Variants in SYTL3 observed in about 807,000 individuals in gnomAD.
SYTL3 encodes the protein synaptotagmin like 3.
SYTL3 carries 88 observed loss-of-function variants against 82.1 expected under a neutral mutation model. The observed-to-expected ratio is 1.07, with a 90% CI of 0.90 to 1.28. The LOEUF is 1.28. SYTL3 is among the 50% of genes most tolerant of loss of function. The pLI is 0.00. For missense variants in SYTL3, 831 were observed against 757.6 expected (o/e 1.10, Z -1.14); for synonymous variants, 311 against 289.4 (o/e 1.07, Z -0.76).
At chr6:158,703,126 C>T (rs1422333244) in intron 6 of SYTL3, among the ~76,000 whole-genome samples, 1 of 144,744 alleles carries the variant, frequency 6.9e-6, no homozygotes, top group Non-Finnish European at 1.5e-5. Context: ...TGTACTCCAG[C>T]CTGGGCGACA....
chr6:158,699,465 A>T (rs1259257319), intron 6 of SYTL3, among the ~76,000 whole-genome samples: 2 of 152,092 alleles, frequency 1.3e-5, no homozygotes, highest in African/African-American at 4.8e-5. Context: ...TGAGAAATGG[A>T]TGCATAGATG....
At chr6:158,688,794 C>T (rs901372550) in intron 6 of SYTL3, among the ~76,000 whole-genome samples, 1 of 152,036 alleles carries the variant, frequency 6.6e-6, no homozygotes, top group Non-Finnish European at 1.5e-5. Flanking sequence ...TGTGTGTATA[C>T]ACACATATAC....
chr6:158,715,918 G>C (rs1256476609), intron 9 of SYTL3, among the ~76,000 whole-genome samples: 2 of 152,182 alleles, frequency 1.3e-5, no homozygotes, highest in African/African-American at 4.8e-5. Context: ...TGGGTGCAGA[G>C]GGAAGCCTCA....
At chr6:158,680,869 G>A (rs1263916168) in intron 5 of SYTL3, among the ~76,000 whole-genome samples, 2 of 139,022 alleles carry the variant, frequency 1.4e-5, no homozygotes, top group Non-Finnish European at 3.1e-5. Flanking sequence ...ACCAGATGAA[G>A]GAGAGAAAGT....
chr6:158,745,581 A>T lies in SYTL3; in HGVS notation c.957A>T (p.Lys319Asn). Reference protein sequence around the residue: ...EIEFAIHYCFKTHSLEICIKA... With the variant: ...EIEFAIHYCFNTHSLEICIKA... ...AATTTGCCATTCATTATTGCTTCAA[A>T]ACCCATTCTTTAGAAATATGCATCA... Residue 319 changes from lysine (K) to asparagine (N), a missense_variant, in exon 12 of 18, where the codon AAA (lysine) becomes AAT (asparagine). Transcript: ENST00000611299. 1 of 1,613,902 alleles carries T rather than the reference A, an allele frequency of 6.2e-7. No individual in the cohort carries two copies. Among genetic ancestry groups the T allele is most frequent in the Non-Finnish European group, 8.5e-7 (1 of 1,179,966 alleles).
Position 158,764,617 on chromosome 6 carries a change from A to C in SYTL3, c.*13A>C. The C allele has an allele frequency of 3.8e-6, 6 of 1,596,630 alleles. No homozygotes were observed. The highest frequency in any genetic ancestry group is 5.2e-6 in the Non-Finnish European group (6 of 1,164,066). ...TGTCCTGCACTGACATGAAGGCCTC[A>C]AGGTTCCAGGTTGCAGCAGGCGTGA... On this transcript the variant is annotated 3_prime_UTR_variant, in exon 18 of 18. Transcript: ENST00000611299.
At chr6:158,711,498 C>T (rs1782758536) in intron 8 of SYTL3, among the ~76,000 whole-genome samples, 1 of 152,180 alleles carries the variant, frequency 6.6e-6, no homozygotes, top group Non-Finnish European at 1.5e-5. Flanking sequence ...GTGACTCAGT[C>T]CAAGTCCCAA....
intron 11 of SYTL3, among the ~76,000 whole-genome samples, chr6:158,740,997 G>A (rs1424386823): frequency 2.6e-5 from 4 of 152,146 alleles, no homozygotes; most frequent in African/African-American, 9.7e-5. Flanking sequence ...AGAAGTAGTA[G>A]TCTGTTGGCA....
At chr6:158,702,981 C>T (rs34687336) in intron 6 of SYTL3, among the ~76,000 whole-genome samples, 44,740 of 151,226 alleles carry the variant, frequency 0.3, 7,108 homozygotes, top group Non-Finnish European at 0.36. Flanking sequence ...GGTGAAACCC[C>T]ATCTCTACTA....
In SYTL3 at chr6:158,665,463, A is replaced by G; in HGVS notation, c.179A>G (p.Glu60Gly). The G allele has an allele frequency of 2.5e-6, 4 of 1,608,990 alleles. No individual in the cohort carries two copies. Among genetic ancestry groups the G allele is most frequent in the Non-Finnish European group, 3.4e-6 (4 of 1,177,788 alleles). Residue 60 changes from glutamate (E) to glycine (G), a missense_variant, in exon 5 of 18, where the codon GAG (glutamate) becomes GGG (glycine). Coordinates refer to ENST00000611299, the MANE Select transcript of SYTL3 (RefSeq NM_001242394.2). ...AAGAACACGGACTGGGAGCACAAAG[A>G]GAAGTGCTGTGCGCGCTGCCAGCAG... ...GAKNTDWEHK[E>G]KCCARCQQVL...
At chr6:158,665,352 G>C in intron 4 of SYTL3, 43 bp from the exon 5 acceptor site, 2 of 1,537,052 alleles carry the variant, frequency 1.3e-6, no homozygotes, top group Middle Eastern at 1.7e-4. Flanking sequence ...CTGGGGTCAG[G>C]TGTTCCATCT....
intron 11 of SYTL3, among the ~76,000 whole-genome samples, chr6:158,738,933 C>T (rs1365872584): frequency 1.3e-5 from 2 of 152,220 alleles, no homozygotes; most frequent in South Asian, 2.1e-4. Flanking sequence ...GCTGGGATTA[C>T]AGGCGTGAGC....
chr6:158,725,654 T>C lies in SYTL3; in HGVS notation c.855+17T>C. ...TTTAGACACGTGAGTCTCATTCCAATGCTCTTTTTTTGTTTTTTTGTTTTT... is the reference window on the plus strand; with the variant it reads ...TTTAGACACGTGAGTCTCATTCCAACGCTCTTTTTTTGTTTTTTTGTTTTT... On this transcript the variant is annotated intron_variant, in intron 11 of 17. Transcript: ENST00000611299. 6.3e-7 allele frequency: 1 copy of C among 1,598,260 alleles called. No individual in the cohort carries two copies. Among genetic ancestry groups the C allele is most frequent in the Non-Finnish European group, 8.5e-7 (1 of 1,173,858 alleles).
At chr6:158,752,212 T>C (rs1788489081) in intron 13 of SYTL3, among the ~76,000 whole-genome samples, 182 bp downstream of exon 13, 1 of 152,180 alleles carries the variant, frequency 6.6e-6, no homozygotes, top group South Asian at 2.1e-4. Context: ...ATGTCAGCCT[T>C]TGTACAGGAA....
At chr6:158,732,667 T>G (rs1189554288) in intron 11 of SYTL3, among the ~76,000 whole-genome samples, 1 of 152,188 alleles carries the variant, frequency 6.6e-6, no homozygotes, top group Non-Finnish European at 1.5e-5. Flanking sequence ...GTGTCTCCAA[T>G]GACGAAGGAA....
At chr6:158,755,793 C>T (rs1788981390) in intron 13 of SYTL3, among the ~76,000 whole-genome samples, 2 of 152,214 alleles carry the variant, frequency 1.3e-5, no homozygotes, top group African/African-American at 2.4e-5. Context: ...CACGAGGAGT[C>T]ACCATTCAAA....
intron 9 of SYTL3, among the ~76,000 whole-genome samples, chr6:158,714,413 C>A (rs1225911022): frequency 6.6e-6 from 1 of 151,870 alleles, no homozygotes; most frequent in East Asian, 1.9e-4. Flanking sequence ...CAGAACCTTT[C>A]AGGCCAGTAG....
In SYTL3 at chr6:158,708,401, C is replaced by T; in HGVS notation, c.516+10C>T. The T allele has an allele frequency of 6.2e-7, 1 of 1,612,910 alleles. No individual in the cohort carries two copies. Among genetic ancestry groups the T allele is most frequent in the Non-Finnish European group, 8.5e-7 (1 of 1,178,904 alleles). On this transcript the variant is annotated intron_variant, in intron 8 of 17. Transcript: ENST00000611299. Reference sequence around the variant, plus strand: ...CCGCAGTCCTGGCAGGGTAACGTATCCATTCTGGGCACTTCTCTAGTAGGG... The same window carrying T: ...CCGCAGTCCTGGCAGGGTAACGTATTCATTCTGGGCACTTCTCTAGTAGGG...
intron 11 of SYTL3, among the ~76,000 whole-genome samples, chr6:158,731,936 C>A (rs1047539976): frequency 6.6e-6 from 1 of 152,166 alleles, no homozygotes; most frequent in Non-Finnish European, 1.5e-5. Flanking sequence ...ACTTTTAATG[C>A]CTGTTTAATT....
Sources: allele counts gnomAD v4.1 joint callset (sites outside exome capture counted in the v4.1 genomes callset), GRCh38; gene constraint gnomAD v4.1.1; transcripts MANE v1.5; gene names NCBI Gene and HGNC (gene_info 2026-07-23, HGNC 2026-07-21).